The following ARHGAP24 variants were observed in gnomAD, a reference collection of about 807,000 sequenced individuals.
ARHGAP24 encodes the protein rho GTPase-activating protein 24.
Under a neutral mutation model 76.4 loss-of-function variants are expected in ARHGAP24, and 50 were observed. The ratio of observed to expected loss-of-function variants is 0.65; its 90% confidence interval spans 0.52 to 0.83. The LOEUF (loss-of-function observed/expected upper bound fraction) is 0.83, where lower values mean the gene tolerates loss of function less well. Among genes scored for constraint, ARHGAP24 ranks in the 40% least tolerant of loss-of-function variants. The pLI, the probability that ARHGAP24 is intolerant of heterozygous loss-of-function variation, is 0.00. For synonymous variants in ARHGAP24, 345 were observed against 323.3 expected, an observed-to-expected ratio of 1.07 and a Z score of -0.72; for missense variants, 930 against 914.2, an observed-to-expected ratio of 1.02 and a Z score of -0.22.
At chr4:85,988,527 A>G (rs1740136849) in intron 8 of ARHGAP24, among the ~76,000 whole-genome samples, 1 of 151,676 alleles carries the variant, frequency 6.6e-6, no homozygotes, top group South Asian at 2.1e-4. Flanking sequence ...TGTTATAAAC[A>G]TAGAACAACT....
chr4:85,778,864 T>G lies in ARHGAP24; in HGVS notation c.268+56892T>G, dbSNP rs1366991725. 6 of 985,326 alleles carry G rather than the reference T, an allele frequency of 6.1e-6. No homozygotes were observed. The Admixed American group carries it at 3.7e-4, about 61-fold the overall frequency. The allele number at this position is 985,326 out of a possible 1,614,324, so 61.0% of individuals were successfully genotyped here. ...AGCATTTTCCAGACAAGCTCTGTACTTTTTTGCCAAAAGAATTAACTTTAA... is the reference window on the plus strand; with the variant it reads ...AGCATTTTCCAGACAAGCTCTGTACGTTTTTGCCAAAAGAATTAACTTTAA... On this transcript the variant is annotated intron_variant, in intron 3 of 9. Transcript: ENST00000395184.
chr4:85,502,107 G>A (rs1400301391), intron 1 of ARHGAP24, among the ~76,000 whole-genome samples: 1 of 152,158 alleles, frequency 6.6e-6, no homozygotes, highest in African/African-American at 2.4e-5. Context: ...CCAATACCAT[G>A]CTATTTCGGT....
intron 1 of ARHGAP24, among the ~76,000 whole-genome samples, chr4:85,548,904 A>G (rs1402652309): frequency 6.6e-6 from 1 of 152,088 alleles, no homozygotes; most frequent in Non-Finnish European, 1.5e-5. Flanking sequence ...ACTTCTATTT[A>G]TGGAATCGTG....
At chr4:85,952,293 A>G (rs1037438291) in intron 5 of ARHGAP24, among the ~76,000 whole-genome samples, 4 of 152,208 alleles carry the variant, frequency 2.6e-5, no homozygotes, top group Non-Finnish European at 4.4e-5. Context: ...TCAGGACTAT[A>G]TAATGTGTGA....
intron 2 of ARHGAP24, among the ~76,000 whole-genome samples, chr4:85,640,628 T>C (rs1005922938): frequency 6.6e-6 from 1 of 152,226 alleles, no homozygotes; most frequent in South Asian, 2.1e-4. Flanking sequence ...AGGTTTCATA[T>C]TGCTTTTCAA....
rs529506048 is a variant in ARHGAP24 at position 85,928,527 on chromosome 4, G to A, written c.391+4757G>A. Among the ~76,000 whole-genome samples, 25 of 152,132 alleles carry A rather than the reference G, an allele frequency of 1.6e-4. No individual in the cohort carries two copies. The South Asian group carries it at 4.2e-3, about 25-fold the overall frequency. ...GGCTGGAGTGCAATGGCGCATTCTC[G>A]GCTCACTGCAACCTCTGCCTCCCTG... On this transcript the variant is annotated intron_variant, in intron 4 of 9. Coordinates refer to ENST00000395184, the MANE Select transcript of ARHGAP24 (RefSeq NM_001025616.3).
intron 2 of ARHGAP24, among the ~76,000 whole-genome samples, chr4:85,705,966 G>T (rs936546520): frequency 2.0e-5 from 3 of 152,156 alleles, no homozygotes; most frequent in African/African-American, 7.2e-5. Flanking sequence ...GGCATGGTAG[G>T]TGTCTTTAAA....
intron 3 of ARHGAP24, among the ~76,000 whole-genome samples, chr4:85,898,053 ATAT>A (rs1734295720): frequency 8.2e-6 from 1 of 121,816 alleles, no homozygotes; most frequent in Non-Finnish European, 1.8e-5. Flanking sequence ...ATATATATAT[ATAT>A]ATAATTATTT....
chr4:85,522,446 G>A (rs1297898657), intron 1 of ARHGAP24, among the ~76,000 whole-genome samples: 2 of 152,122 alleles, frequency 1.3e-5, no homozygotes, highest in African/African-American at 4.8e-5. Context: ...GACTGGTGTT[G>A]GTAGTAGTTG....
chr4:85,788,220 T>C (rs1727947900), intron 3 of ARHGAP24, among the ~76,000 whole-genome samples: 1 of 152,146 alleles, frequency 6.6e-6, no homozygotes, highest in African/African-American at 2.4e-5. Context: ...CTCTCTCTGT[T>C]CCTGACATCA....
At chr4:85,640,008 G>T (rs968221117) in intron 2 of ARHGAP24, among the ~76,000 whole-genome samples, 4 of 152,104 alleles carry the variant, frequency 2.6e-5, no homozygotes, top group Non-Finnish European at 5.9e-5. Context: ...GAATCTTGGA[G>T]CTATGGCCTC....
At chr4:85,916,346 C>T (rs10028816) in intron 3 of ARHGAP24, among the ~76,000 whole-genome samples, 17,007 of 151,898 alleles carry the variant, frequency 0.11, 1,008 homozygotes, top group South Asian at 0.16. Context: ...CAAAAATTTT[C>T]TCCCATTCTG....
At chr4:85,843,569 A>T (rs1452128246) in intron 3 of ARHGAP24, among the ~76,000 whole-genome samples, 1 of 152,062 alleles carries the variant, frequency 6.6e-6, no homozygotes, top group East Asian at 1.9e-4. Context: ...CATTTCATAG[A>T]AAGTTTGCTT....
chr4:85,478,969 G>C (rs1722707860), intron 1 of ARHGAP24, among the ~76,000 whole-genome samples: 2 of 152,174 alleles, frequency 1.3e-5, no homozygotes, highest in South Asian at 4.1e-4. Context: ...GTAGATTGGT[G>C]GTGGGGGAGC....
intron 2 of ARHGAP24, among the ~76,000 whole-genome samples, chr4:85,644,812 A>G (rs1384420247): frequency 6.6e-6 from 1 of 152,112 alleles, no homozygotes; most frequent in Non-Finnish European, 1.5e-5. Flanking sequence ...TGTAGTATTC[A>G]TTTTAATTAT....
intron 2 of ARHGAP24, among the ~76,000 whole-genome samples, chr4:85,575,449 A>AGGTG (rs1727332762): frequency 4.6e-5 from 7 of 152,294 alleles, no homozygotes; most frequent in African/African-American, 1.7e-4. Flanking sequence ...GCAGAGGAAA[A>AGGTG]AGTGTAAAAT....
At chr4:85,670,374 G>A (rs1286286196) in intron 2 of ARHGAP24, among the ~76,000 whole-genome samples, 1 of 152,136 alleles carries the variant, frequency 6.6e-6, no homozygotes, top group African/African-American at 2.4e-5. Flanking sequence ...TAAGTGCTAC[G>A]TTAGCCAATT....
chr4:85,583,469 G>A (rs1727697740), intron 2 of ARHGAP24, among the ~76,000 whole-genome samples: 1 of 152,022 alleles, frequency 6.6e-6, no homozygotes, highest in Admixed American at 6.6e-5. Flanking sequence ...TTAAACGTTA[G>A]ACCTAAAACC....
intron 1 of ARHGAP24, among the ~76,000 whole-genome samples, chr4:85,483,583 G>T (rs1034383852): frequency 1.3e-5 from 2 of 152,074 alleles, no homozygotes; most frequent in African/African-American, 2.4e-5. Context: ...CTGCACTGCA[G>T]CCTGGGCAAC....
Sources: allele counts gnomAD v4.1 joint callset (sites outside exome capture counted in the v4.1 genomes callset), GRCh38; gene constraint gnomAD v4.1.1; transcripts MANE v1.5; gene names NCBI Gene and HGNC (gene_info 2026-07-23, HGNC 2026-07-21).